The following LSAMP variants were observed in gnomAD, a reference collection of about 807,000 sequenced individuals.
LSAMP encodes the protein limbic system-associated membrane protein.
In LSAMP, 7 loss-of-function variants were observed where a neutral mutation model predicts 38.6. That is an observed-to-expected ratio of 0.18 (90% CI 0.10 to 0.34). LSAMP has a LOEUF of 0.34. Among genes scored for constraint, LSAMP ranks in the 10% least tolerant of loss-of-function variants. LSAMP has a pLI of 1.00. For missense variants in LSAMP, 313 were observed against 420.0 expected, an observed-to-expected ratio of 0.75 and a Z score of 2.23; for synonymous variants, 154 against 166.8, an observed-to-expected ratio of 0.92 and a Z score of 0.59.
intron 2 of LSAMP, among the ~76,000 whole-genome samples, chr3:116,060,738 C>T (rs1411261392): frequency 6.6e-6 from 1 of 151,976 alleles, no homozygotes; most frequent in African/African-American, 2.4e-5. Flanking sequence ...CCAGCCTGGG[C>T]AACAAGAGTG....
At chr3:116,103,196 T>C (rs1708386088) in intron 1 of LSAMP, among the ~76,000 whole-genome samples, 2 of 152,122 alleles carry the variant, frequency 1.3e-5, no homozygotes, top group South Asian at 4.1e-4. Context: ...CTGGGCACAG[T>C]GGCTCACACC....
At chr3:116,279,704 G>T (rs1435501337) in intron 1 of LSAMP, among the ~76,000 whole-genome samples, 1 of 152,114 alleles carries the variant, frequency 6.6e-6, no homozygotes, top group Non-Finnish European at 1.5e-5. Context: ...ATTGCTGACT[G>T]CTGAGTATAT....
chr3:116,099,489 T>C (rs952719263), intron 1 of LSAMP, among the ~76,000 whole-genome samples: 2 of 152,182 alleles, frequency 1.3e-5, no homozygotes, highest in African/African-American at 4.8e-5. Context: ...CCAGAAATTT[T>C]GTTGAAATCT....
intron 2 of LSAMP, among the ~76,000 whole-genome samples, chr3:116,024,130 G>T (rs1940717217): frequency 6.6e-6 from 1 of 152,010 alleles, no homozygotes; most frequent in African/African-American, 2.4e-5. Context: ...AGGCCATATT[G>T]GGTGAAATGC....
chr3:116,407,205 G>A (rs1048131139), intron 1 of LSAMP, among the ~76,000 whole-genome samples: 1 of 151,838 alleles, frequency 6.6e-6, no homozygotes, highest in African/African-American at 2.4e-5. Flanking sequence ...CCATCTACTT[G>A]TCTATACCCT....
rs552187914 is a variant in LSAMP, at chr3:116,207,849, C to G, written c.156-121293G>C. 4.3e-3 allele frequency among the ~76,000 whole-genome samples: 659 copies of G among 151,984 alleles called. 7 individuals are homozygous for G. Among genetic ancestry groups the G allele is most frequent in the African/African-American group, 0.015 (621 of 41,460 alleles). On this transcript the variant is annotated intron_variant, in intron 1 of 6. Coordinates refer to ENST00000490035, the MANE Select transcript of LSAMP (RefSeq NM_002338.5). Reference sequence around the variant, plus strand: ...GGCTGCCCTTAACATTTTTTCATTTCAACTTTGGTGAATCTGACAATTATG... The same window carrying G: ...GGCTGCCCTTAACATTTTTTCATTTGAACTTTGGTGAATCTGACAATTATG...
intron 2 of LSAMP, among the ~76,000 whole-genome samples, chr3:116,063,608 A>G (rs1199525011): frequency 6.6e-6 from 1 of 152,204 alleles, no homozygotes; most frequent in Non-Finnish European, 1.5e-5. Flanking sequence ...TACCAATATA[A>G]TTTTGAATAC....
At chr3:116,076,314 G>A (rs113603463) in intron 2 of LSAMP, among the ~76,000 whole-genome samples, 10,115 of 151,990 alleles carry the variant, frequency 0.067, 1,098 homozygotes, top group African/African-American at 0.23. Flanking sequence ...CTGGAGTGCA[G>A]TGGCGCGGTC....
intron 1 of LSAMP, chr3:116,370,190 T>C (rs867646308): frequency 1.3e-5 from 2 of 152,336 alleles, no homozygotes; most frequent in South Asian, 2.1e-4. Flanking sequence ...TTATAGTGTT[T>C]TGGGGAATAA....
intron 1 of LSAMP, among the ~76,000 whole-genome samples, chr3:116,314,232 C>A (rs1309968303): frequency 1.3e-5 from 2 of 152,140 alleles, no homozygotes; most frequent in African/African-American, 2.4e-5. Context: ...AATTATATAA[C>A]CTGGATAATT....
intron 1 of LSAMP, among the ~76,000 whole-genome samples, chr3:116,286,890 T>TCA (rs547415596): frequency 0.025 from 3,696 of 145,924 alleles, 175 homozygotes; most frequent in African/African-American, 0.088. Context: ...ATCTCTCAAG[T>TCA]TAAAAAAAAA....
chr3:115,998,032 C>T (rs1376007595), intron 3 of LSAMP, among the ~76,000 whole-genome samples: 1 of 150,462 alleles, frequency 6.6e-6, no homozygotes, highest in Non-Finnish European at 1.5e-5. Context: ...CATCCTTGGC[C>T]TCAACCCACT....
intron 1 of LSAMP, among the ~76,000 whole-genome samples, chr3:116,110,508 G>A (rs987918575): frequency 2.6e-5 from 4 of 152,174 alleles, no homozygotes; most frequent in African/African-American, 4.8e-5. Context: ...CGGATAAAAC[G>A]TGTCTCCTTT....
At chr3:115,829,509 C>T (rs1186445319) in intron 6 of LSAMP, among the ~76,000 whole-genome samples, 3 of 152,120 alleles carry the variant, frequency 2.0e-5, no homozygotes, top group African/African-American at 7.2e-5. Context: ...CTTGTTTCTG[C>T]TAACCAGTGG....
chr3:116,311,354 A>C (rs1481960504), intron 1 of LSAMP, among the ~76,000 whole-genome samples: 2 of 151,468 alleles, frequency 1.3e-5, no homozygotes, highest in African/African-American at 4.8e-5. Context: ...TTTTCTTTTT[A>C]ATTTACAAAT....
At chr3:116,142,429 A>T (rs1479113210) in intron 1 of LSAMP, among the ~76,000 whole-genome samples, 1 of 151,996 alleles carries the variant, frequency 6.6e-6, no homozygotes, top group African/African-American at 2.4e-5. Flanking sequence ...CTCCTAACTA[A>T]GTGACCATCC....
chr3:115,832,922 C>A (rs1053136590), intron 6 of LSAMP, among the ~76,000 whole-genome samples: 1 of 152,130 alleles, frequency 6.6e-6, no homozygotes, highest in African/African-American at 2.4e-5. Context: ...CAGTATCCGA[C>A]AGCTGTCTTT....
chr3:116,253,363 T>G (rs186458746), intron 1 of LSAMP, among the ~76,000 whole-genome samples: 1 of 152,314 alleles, frequency 6.6e-6, no homozygotes, highest in African/African-American at 2.4e-5. Context: ...AGAGTTCCTA[T>G]GGTGGTGGTT....
At chr3:116,167,955 G>A (rs1232956966) in intron 1 of LSAMP, among the ~76,000 whole-genome samples, 4 of 152,106 alleles carry the variant, frequency 2.6e-5, no homozygotes, top group Non-Finnish European at 5.9e-5. Flanking sequence ...TGAGCCAGGG[G>A]ATGAAAGAAA....
Sources: gnomAD v4.1 joint callset for allele counts (sites outside exome capture counted in the v4.1 genomes callset) on GRCh38, gnomAD v4.1.1 for gene constraint, MANE v1.5 for transcripts, NCBI Gene and HGNC (gene_info 2026-07-23, HGNC 2026-07-21) for gene names.